The following B3GALNT1 variants were observed in gnomAD, a reference collection of about 807,000 sequenced individuals.
The protein encoded by B3GALNT1 is UDP-GalNAc:beta-1,3-N-acetylgalactosaminyltransferase 1.
A neutral mutation model predicts 27.3 loss-of-function variants in B3GALNT1; 17 were observed. That is an observed-to-expected ratio of 0.62 (90% CI 0.43 to 0.94). B3GALNT1 has a LOEUF of 0.94. B3GALNT1 is among the 40% of genes least tolerant of loss of function. The pLI, the probability that B3GALNT1 is intolerant of heterozygous loss-of-function variation, is 0.00. For synonymous variants in B3GALNT1, 141 were observed against 144.0 expected, an observed-to-expected ratio of 0.98 and a Z score of 0.15; for missense variants, 347 against 390.0, an observed-to-expected ratio of 0.89 and a Z score of 0.93.
rs1363847471 is a variant in B3GALNT1, at chr3:161,083,909, T to G, written c.*1850A>C. Reference sequence around the variant, plus strand: ...TATAAAAAGTAAATACACAAACCGGTGTCATTTATTGTCATTATCAGTATT... The same window carrying G: ...TATAAAAAGTAAATACACAAACCGGGGTCATTTATTGTCATTATCAGTATT... On this transcript the variant is annotated 3_prime_UTR_variant, in exon 5 of 5. Transcript: ENST00000320474. The G allele has an allele frequency of 6.6e-6, 1 of 152,208 alleles. No homozygotes were observed. The highest frequency in any genetic ancestry group is 1.5e-5 in the Non-Finnish European group (1 of 68,032). The allele number at this position is 152,208 out of a possible 1,614,324, so 9.4% of individuals were successfully genotyped here.
Position 161,104,424 on chromosome 3 carries a change from G to T in B3GALNT1, c.-308-18C>A, listed in dbSNP as rs762556861. 5 of 1,182,264 alleles carry T rather than the reference G, an allele frequency of 4.2e-6. No homozygotes were observed. Among genetic ancestry groups the T allele is most frequent in the Non-Finnish European group, 5.5e-6 (5 of 902,246 alleles). The allele number at this position is 1,182,264 out of a possible 1,614,324, so 73.2% of individuals were successfully genotyped here. On this transcript the variant is annotated intron_variant, in intron 1 of 4. Transcript: ENST00000320474. ...CAGGCAATCTGTGCAAAACGCAGAG[G>T]AAACAAAATCATGAAAGCCCTGCAA...
chr3:161,088,321 T>C (rs1723136575), intron 4 of B3GALNT1, among the ~76,000 whole-genome samples: 1 of 152,204 alleles, frequency 6.6e-6, no homozygotes, highest in Non-Finnish European at 1.5e-5. Context: ...GCAAACTCTC[T>C]CCAGTTTGGT....
intron 4 of B3GALNT1, among the ~76,000 whole-genome samples, chr3:161,096,750 A>G (rs1455645710): frequency 1.3e-5 from 2 of 152,228 alleles, no homozygotes; most frequent in Non-Finnish European, 2.9e-5. Context: ...TATTAGAAAT[A>G]AACACAACCA....
At position 161,084,220 on chromosome 3, in the gene B3GALNT1, A is replaced by C. The variant is rs1402198595; in HGVS notation, c.*1539T>G. 1.3e-5 allele frequency: 2 copies of C among 152,212 alleles called. No individual in the cohort carries two copies. The highest frequency in any genetic ancestry group is 2.9e-5 in the Non-Finnish European group (2 of 68,036). 9.4% of individuals were successfully genotyped at this position (152,212 alleles called of 1,614,324 possible). On this transcript the variant is annotated 3_prime_UTR_variant, in exon 5 of 5. Coordinates refer to ENST00000320474, the MANE Select transcript of B3GALNT1 (RefSeq NM_003781.4). The stretch of plus-strand genomic sequence containing the variant: ...ATCTGTCTTAAAGAACGTGACTCCT[A>C]TATGGATGGAGATTAACAAGGGCAT...
intron 4 of B3GALNT1, among the ~76,000 whole-genome samples, chr3:161,093,233 C>T (rs1726257146): frequency 6.6e-6 from 1 of 152,130 alleles, no homozygotes. Flanking sequence ...TTATAGATAT[C>T]CTGAATTTCT....
chr3:161,101,358 G>C, intron 3 of B3GALNT1, 125 bp from the exon 4 acceptor site: 1 of 460,644 alleles, frequency 2.2e-6, no homozygotes, highest in Non-Finnish European at 4.0e-6. Context: ...TCGGGGAGCT[G>C]CTGCAGTTAA....
rs761453324 is a variant in B3GALNT1, at chr3:161,086,421, C to A, written c.334G>T (p.Val112Phe). 6.2e-7 allele frequency: 1 copy of A among 1,613,872 alleles called. No individual in the cohort carries two copies. The highest frequency in any genetic ancestry group is 1.1e-5 in the South Asian group (1 of 91,056). ...GEKKSWWGYE[V>F]LTFFLLGQEA... ...TGGCCTAATAAGAAAAATGTAAGAACCTCATATCCCCACCAAGACTTTTTT... is the reference window on the plus strand; with the variant it reads ...TGGCCTAATAAGAAAAATGTAAGAAACTCATATCCCCACCAAGACTTTTTT... The change falls in exon 5 of 5, where the codon GTT becomes TTT. Residue 112 changes from valine to phenylalanine, a missense_variant. Physicochemically the swap from Val to Phe is conservative, Grantham distance 50 (BLOSUM62 -1). Coordinates refer to ENST00000320474, the MANE Select transcript of B3GALNT1 (RefSeq NM_003781.4).
Position 161,086,499 on chromosome 3 carries a change from A to AG in B3GALNT1, c.255dup (p.Ser86LeufsTer13). 6.2e-7 allele frequency: 1 copy of AG among 1,614,154 alleles called. No individual in the cohort carries two copies. Among genetic ancestry groups the AG allele is most frequent in the Non-Finnish European group, 8.5e-7 (1 of 1,180,036 alleles). On this transcript the variant is annotated frameshift_variant, in exon 5 of 5. Coordinates refer to ENST00000320474, the MANE Select transcript of B3GALNT1 (RefSeq NM_003781.4). LOFTEE classifies it high-confidence loss of function. ...CTGGCTTTCACATCTGAAGGGTGGG[A>AG]GGTCACCAGAATGACCAGAAATGGA...
chr3:161,091,921 G>A (rs181913716), intron 4 of B3GALNT1, among the ~76,000 whole-genome samples: 14 of 152,264 alleles, frequency 9.2e-5, no homozygotes, highest in Middle Eastern at 3.4e-3. Context: ...ATAAATAAAA[G>A]GTTGATGGAC....
intron 4 of B3GALNT1, chr3:161,090,026 G>T: frequency 4.5e-6 from 1 of 219,816 alleles, no homozygotes; most frequent in South Asian, 4.8e-5. Context: ...CTGAGATCCT[G>T]CCACTGTACT....
In B3GALNT1 at chr3:161,104,426, A is replaced by C. The variant is rs2108508930; in HGVS notation, c.-308-20T>G. 1 of 1,174,258 alleles carries C rather than the reference A, an allele frequency of 8.5e-7. No individual in the cohort carries two copies. Among genetic ancestry groups the C allele is most frequent in the Admixed American group, 2.6e-5 (1 of 37,908 alleles). 72.7% of individuals were successfully genotyped at this position (1,174,258 alleles called of 1,614,324 possible). ...GGCAATCTGTGCAAAACGCAGAGGAAACAAAATCATGAAAGCCCTGCAAAT... is the reference window on the plus strand; with the variant it reads ...GGCAATCTGTGCAAAACGCAGAGGACACAAAATCATGAAAGCCCTGCAAAT... On this transcript the variant is annotated intron_variant, in intron 1 of 4. Coordinates refer to ENST00000320474, the MANE Select transcript of B3GALNT1 (RefSeq NM_003781.4).
chr3:161,099,831 C>T (rs1730248265), intron 4 of B3GALNT1, among the ~76,000 whole-genome samples: 2 of 151,542 alleles, frequency 1.3e-5, no homozygotes, highest in South Asian at 4.2e-4. Context: ...CACACACACA[C>T]CCCTAATACA....
Position 161,101,205 on chromosome 3 carries a change from G to A in B3GALNT1, c.-101C>T, listed in dbSNP as rs1270204695. The A allele has an allele frequency of 3.1e-6, 4 of 1,289,902 alleles. No individual in the cohort carries two copies. Among genetic ancestry groups the A allele is most frequent in the Non-Finnish European group, 4.0e-6 (4 of 988,870 alleles). 79.9% of individuals were successfully genotyped at this position (1,289,902 alleles called of 1,614,324 possible). A position where few individuals can be genotyped will look rare whatever the true frequency, so the allele number is the denominator to read the frequency against. ...GAGCAGCCAGCGGGAAGAGCCAACA[G>A]GTCAACCGGGTCCAGGGAGCTAAGA... On this transcript the variant is annotated 5_prime_UTR_variant, in exon 4 of 5. Coordinates refer to ENST00000320474, the MANE Select transcript of B3GALNT1 (RefSeq NM_003781.4).
At chr3:161,087,682 G>C (rs1422645015) in intron 4 of B3GALNT1, among the ~76,000 whole-genome samples, 2 of 152,170 alleles carry the variant, frequency 1.3e-5, no homozygotes, top group Non-Finnish European at 2.9e-5. Flanking sequence ...CATTCAGATT[G>C]TGAAGTGACA....
chr3:161,102,210 T>A (rs1192526142), intron 3 of B3GALNT1, among the ~76,000 whole-genome samples: 2 of 138,218 alleles, frequency 1.4e-5, no homozygotes, highest in African/African-American at 5.1e-5. Flanking sequence ...TAGTTCCAGA[T>A]AACAGACACA....
At position 161,101,180 on chromosome 3, in the gene B3GALNT1, G is replaced by T. The variant is rs1447406211; in HGVS notation, c.-76C>A. The stretch of plus-strand genomic sequence containing the variant: ...AGTAGTCGGAGAGCACCACGTGATA[G>T]AGCAGCCAGCGGGAAGAGCCAACAG... On this transcript the variant is annotated 5_prime_UTR_variant, in exon 4 of 5. Transcript: ENST00000320474. 2 of 1,289,874 alleles carry T rather than the reference G, an allele frequency of 1.6e-6. No individual in the cohort carries two copies. Among genetic ancestry groups the T allele is most frequent in the Non-Finnish European group, 2.0e-6 (2 of 988,890 alleles). 79.9% of individuals were successfully genotyped at this position (1,289,874 alleles called of 1,614,324 possible).
At chr3:161,095,921 C>A (rs1243558983) in intron 4 of B3GALNT1, among the ~76,000 whole-genome samples, 3 of 152,260 alleles carry the variant, frequency 2.0e-5, no homozygotes, top group Non-Finnish European at 2.9e-5. Context: ...CGGACCTCAA[C>A]TGGGACTCAA....
chr3:161,101,007 C>T (rs1576760966), intron 4 of B3GALNT1, 132 bp downstream of exon 4: 1 of 504,192 alleles, frequency 2.0e-6, no homozygotes, highest in East Asian at 7.0e-5. Flanking sequence ...CAAACTCAAG[C>T]CCTTCAACTC....
chr3:161,089,959 C>A, intron 4 of B3GALNT1: 1 of 216,864 alleles, frequency 4.6e-6, no homozygotes, highest in Non-Finnish European at 1.0e-5. Context: ...GTCCCACCTA[C>A]TTGGGAGGCT....
Sources: allele counts gnomAD v4.1 joint callset (sites outside exome capture counted in the v4.1 genomes callset), GRCh38; gene constraint gnomAD v4.1.1; transcripts MANE v1.5; gene names NCBI Gene and HGNC (gene_info 2026-07-23, HGNC 2026-07-21).